Variants in PCLO observed in about 807,000 individuals in gnomAD.
PCLO encodes protein piccolo.
PCLO carries 82 observed loss-of-function variants against 427.5 expected under a neutral mutation model. The observed-to-expected ratio is 0.19, with a 90% CI of 0.16 to 0.23. The LOEUF (loss-of-function observed/expected upper bound fraction) is 0.23, where lower values mean the gene tolerates loss of function less well. PCLO is among the 10% of genes least tolerant of loss of function. The pLI, the probability that PCLO is intolerant of heterozygous loss-of-function variation, is 1.00. For synonymous variants in PCLO, 2,357 were observed against 2,155.4 expected (o/e 1.09, Z -2.59); for missense variants, 6,239 against 6,115.9 (o/e 1.02, Z -0.67).
chr7:83,006,684 TCATAATGGGGA>T (rs2115959981), intron 3 of PCLO, among the ~76,000 whole-genome samples: 1 of 151,662 alleles, frequency 6.6e-6, no homozygotes, highest in African/African-American at 2.4e-5. Flanking sequence ...TACTTGAATT[TCATAATGGGGA>T]AATTGCATGG....
chr7:82,984,194 T>C (rs1451195711), intron 3 of PCLO, among the ~76,000 whole-genome samples: 5 of 152,052 alleles, frequency 3.3e-5, no homozygotes, highest in Admixed American at 2.6e-4. Context: ...GGTGGACTCT[T>C]AATGTGAAAA....
intron 3 of PCLO, among the ~76,000 whole-genome samples, chr7:83,005,848 A>G (rs1473047841): frequency 6.6e-6 from 1 of 151,716 alleles, no homozygotes; most frequent in African/African-American, 2.4e-5. Context: ...CTATTTAAAT[A>G]AAATAATATG....
rs146267925 is a variant in PCLO at position 83,145,697 on chromosome 7, A to AT, written c.1893+9050dup. Among the ~76,000 whole-genome samples, 257 of 152,354 alleles carry AT rather than the reference A, an allele frequency of 1.7e-3. 2 individuals carry two copies. Among genetic ancestry groups the AT allele is most frequent in the African/African-American group, 6.0e-3 (251 of 41,590 alleles). ...ATTTTAATTAGTAGTGGTAATAGTA[A>AT]TAACACTGAATGTTTACCTACAATT... On this transcript the variant is annotated intron_variant, in intron 2 of 24. Transcript: ENST00000333891.
chr7:82,824,208 T>C (rs781316397), intron 19 of PCLO, 28 bp downstream of exon 19: 10 of 1,524,290 alleles, frequency 6.6e-6, no homozygotes, highest in Non-Finnish European at 8.9e-6. Flanking sequence ...GACACAAAAC[T>C]TTTTCTACTT....
chr7:82,994,060 G>A (rs973074099), intron 3 of PCLO, among the ~76,000 whole-genome samples: 7 of 151,936 alleles, frequency 4.6e-5, no homozygotes, highest in South Asian at 2.1e-4. Context: ...TTAAAATATC[G>A]AAATAAATGT....
intron 14 of PCLO, among the ~76,000 whole-genome samples, chr7:82,839,894 C>T (rs560457653): frequency 2.6e-5 from 4 of 151,116 alleles, no homozygotes; most frequent in Admixed American, 2.0e-4. Context: ...TGAGCCTTTG[C>T]TAAAATAAAA....
chr7:83,093,492 A>ATATATATTTTTTTTT, intron 3 of PCLO, among the ~76,000 whole-genome samples: 1 of 59,312 alleles, frequency 1.7e-5, no homozygotes, highest in Non-Finnish European at 3.3e-5. Context: ...ATATATATAT[A>ATATATATTTTTTTTT]TTTTTTTTTT....
chr7:82,811,027 T>C (rs1791557820), intron 20 of PCLO, among the ~76,000 whole-genome samples: 1 of 151,744 alleles, frequency 6.6e-6, no homozygotes, highest in Non-Finnish European at 1.5e-5. Flanking sequence ...TTATTGGTTT[T>C]ATATCTTTGG....
At position 82,757,208 on chromosome 7, in the gene PCLO, T is replaced by C. The variant is rs936132458; in HGVS notation, c.*1367A>G. On this transcript the variant is annotated 3_prime_UTR_variant, in exon 25 of 25. Transcript: ENST00000333891. The stretch of plus-strand genomic sequence containing the variant: ...GACCAGAAGACAGGCTTTTATTCCC[T>C]GCTGAGTGTTTTTTCCACAACTTCA... 7.2e-5 allele frequency: 11 copies of C among 152,088 alleles called. No homozygotes were observed. The highest frequency in any genetic ancestry group is 2.7e-4 in the African/African-American group (11 of 41,434). 9.4% of individuals were successfully genotyped at this position (152,088 alleles called of 1,614,324 possible).
chr7:83,040,583 C>A (rs770171972), intron 3 of PCLO, among the ~76,000 whole-genome samples: 3 of 152,074 alleles, frequency 2.0e-5, no homozygotes, highest in Admixed American at 6.6e-5. Context: ...TGTCTCTTCC[C>A]CAGTTAATTA....
chr7:82,847,581 A>G (rs2115821993), intron 10 of PCLO, among the ~76,000 whole-genome samples: 1 of 152,338 alleles, frequency 6.6e-6, no homozygotes, highest in South Asian at 2.1e-4. Context: ...TAGGAAACAA[A>G]CAAACAAACA....
intron 3 of PCLO, among the ~76,000 whole-genome samples, chr7:83,018,520 T>C (rs977039379): frequency 2.0e-5 from 3 of 152,026 alleles, no homozygotes; most frequent in Non-Finnish European, 4.4e-5. Context: ...AATAATTGTG[T>C]ATTTTTATAT....
intron 22 of PCLO, among the ~76,000 whole-genome samples, chr7:82,762,276 G>C (rs1325708552): frequency 3.9e-5 from 6 of 152,196 alleles, no homozygotes; most frequent in African/African-American, 1.4e-4. Flanking sequence ...GAAACCAGAA[G>C]GATGAGAGTT....
At chr7:82,988,280 C>A (rs962022316) in intron 3 of PCLO, among the ~76,000 whole-genome samples, 1 of 151,958 alleles carries the variant, frequency 6.6e-6, no homozygotes, top group East Asian at 1.9e-4. Context: ...CCTTTCACCT[C>A]GGCCTCCCAA....
Position 82,950,431 on chromosome 7 carries a change from G to T in PCLO, c.10157C>A (p.Ala3386Asp). Residue 3386 changes from alanine (A) to aspartate (D), a missense_variant, in exon 6 of 25, where the codon GCC (alanine) becomes GAC (aspartate). Transcript: ENST00000333891. ...AACAGTGCTCAGGATACCAGGTGGG[G>T]CAATGTACTGAGTAACACCATCAGA... is the stretch of plus-strand genomic sequence containing the variant. ...VQSDGVTQYI[A>D]PPGILSTVSE... 1 of 1,613,708 alleles carries T rather than the reference G, an allele frequency of 6.2e-7. No individual in the cohort carries two copies. The highest frequency in any genetic ancestry group is 8.5e-7 in the Non-Finnish European group (1 of 1,179,816).
Position 82,956,441 on chromosome 7 carries a change from A to G in PCLO, c.4512T>C (p.Thr1504=). The part of the protein sequence containing the change: ...KEKSEFVDDI[T]TRREPYDSVE... ...CTGAATCATAAGGCTCTCTTCTAGT[A>G]GTTATGTCATCAACAAACTCAGACT... The change falls in exon 5 of 25, where the codon ACT becomes ACC. Residue 1504 remains threonine, a synonymous_variant. Transcript: ENST00000333891. 1.2e-6 allele frequency: 2 copies of G among 1,613,738 alleles called. No homozygotes were observed. Among genetic ancestry groups the G allele is most frequent in the Non-Finnish European group, 1.7e-6 (2 of 1,179,760 alleles).
At chr7:82,966,896 A>G (rs1303397986) in intron 3 of PCLO, among the ~76,000 whole-genome samples, 1 of 152,122 alleles carries the variant, frequency 6.6e-6, no homozygotes, top group South Asian at 2.1e-4. Flanking sequence ...TTTCATAATA[A>G]TTATCTTTAT....
intron 9 of PCLO, among the ~76,000 whole-genome samples, chr7:82,900,627 A>G (rs1584121656): frequency 1.3e-5 from 2 of 151,748 alleles, no homozygotes; most frequent in South Asian, 4.1e-4. Flanking sequence ...ATGATTGAGG[A>G]CCTATCAGAT....
At chr7:83,040,830 T>G (rs1040371568) in intron 3 of PCLO, among the ~76,000 whole-genome samples, 2 of 152,180 alleles carry the variant, frequency 1.3e-5, no homozygotes, top group Non-Finnish European at 2.9e-5. Context: ...GGACAAGTTC[T>G]GGGCCCAAGA....
Sources: allele counts gnomAD v4.1 joint callset (sites outside exome capture counted in the v4.1 genomes callset), GRCh38; gene constraint gnomAD v4.1.1; transcripts MANE v1.5; gene names NCBI Gene and HGNC (gene_info 2026-07-23, HGNC 2026-07-21).